Variants in MAGED1 observed in about 807,000 individuals in gnomAD.
MAGED1 encodes the protein MAGE family member D1.
MAGED1 carries 3 observed loss-of-function variants against 54.1 expected under a neutral mutation model. The ratio of observed to expected loss-of-function variants is 0.06; its 90% CI spans 0.03 to 0.14. The LOEUF is 0.14. MAGED1 is among the 10% of genes least tolerant of loss of function. MAGED1 has a pLI of 1.00. For synonymous variants in MAGED1, 217 were observed against 227.3 expected, an observed-to-expected ratio of 0.95 and a Z score of 0.41; for missense variants, 485 against 623.4, an observed-to-expected ratio of 0.78 and a Z score of 2.36.
chrX:51,883,827 CTG>C (rs199731195), intron 1 of MAGED1, among the ~76,000 whole-genome samples: 1,372 of 111,549 alleles, frequency 0.012, 23 homozygotes, highest in African/African-American at 0.043. Context: ...AATTTTAAAA[CTG>C]AAAATTTTAA....
chrX:51,894,504 G>A, intron 2 of MAGED1, 155 bp downstream of exon 2: 4 of 801,774 alleles, frequency 5.0e-6, no homozygotes, highest in Non-Finnish European at 7.4e-6. Context: ...ATCGAAGGGG[G>A]GGAGGGGCGT....
chrX:51,880,812 A>C (rs185273609), intron 1 of MAGED1, among the ~76,000 whole-genome samples: 59 of 110,977 alleles, frequency 5.3e-4, no homozygotes, highest in Middle Eastern at 9.4e-3. Context: ...GTGTGATTCT[A>C]CTTCATTTCT....
intron 1 of MAGED1, among the ~76,000 whole-genome samples, chrX:51,853,078 C>T (rs1473712435): frequency 9.0e-6 from 1 of 111,095 alleles, no homozygotes; most frequent in East Asian, 2.8e-4. Flanking sequence ...ATAATTTCGT[C>T]TTACCTGTCT....
chrX:51,818,299 C>A (rs1925504138), intron 1 of MAGED1, among the ~76,000 whole-genome samples: 1 of 111,828 alleles, frequency 8.9e-6, no homozygotes, highest in African/African-American at 3.3e-5. Context: ...CCATATCCAG[C>A]TGCCTATTGT....
intron 1 of MAGED1, among the ~76,000 whole-genome samples, chrX:51,822,761 T>C (rs1246633885): frequency 1.8e-5 from 2 of 111,376 alleles, no homozygotes; most frequent in Non-Finnish European, 1.9e-5. Flanking sequence ...TGTGTTTATA[T>C]TCATAAGGGA....
chrX:51,860,664 G>T (rs1927246189), intron 1 of MAGED1, among the ~76,000 whole-genome samples: 1 of 110,973 alleles, frequency 9.0e-6, no homozygotes, highest in African/African-American at 3.3e-5. Flanking sequence ...AAATCAGATA[G>T]AAATTTGGTA....
upstream of MAGED1, among the ~76,000 whole-genome samples, chrX:51,891,901 G>A (rs1168338041): frequency 1.8e-5 from 2 of 112,162 alleles, no homozygotes; most frequent in African/African-American, 6.5e-5. Flanking sequence ...GTCTGATCAC[G>A]TCTCACTGCA....
intron 1 of MAGED1, among the ~76,000 whole-genome samples, chrX:51,886,286 G>A (rs782418597): frequency 1.8e-5 from 2 of 110,627 alleles, no homozygotes; most frequent in Admixed American, 1.9e-4. Context: ...GATTTGGAAC[G>A]TTCCCAATAC....
At position 51,827,278 on chromosome X, in the gene MAGED1, A is replaced by AAAAG. The variant is rs1557357029; in HGVS notation, c.-37+24169_-37+24172dup. 9.9e-5 allele frequency among the ~76,000 whole-genome samples: 11 copies of AAAAG among 111,090 alleles called. No homozygotes were observed. In the South Asian group the frequency reaches 4.2e-3, roughly 42 times the overall value. On this transcript the variant is annotated intron_variant, in intron 1 of 12. Coordinates refer to the MAGED1 transcript ENST00000375772. Reference sequence around the variant, plus strand: ...CTGTCTCAAAAAAACAAAGAAAAAAAAAAGAAAGAAAAGGCTACATACTGT... The same window carrying AAAAG: ...CTGTCTCAAAAAAACAAAGAAAAAAAAAAGAAAGAAAGAAAAGGCTACATACTGT...
At chrX:51,869,799 G>A (rs1927595474) in intron 1 of MAGED1, among the ~76,000 whole-genome samples, 1 of 111,368 alleles carries the variant, frequency 9.0e-6, no homozygotes, top group Admixed American at 9.5e-5. Context: ...GAACCCAGGA[G>A]GCGGAGATTG....
In MAGED1 at chrX:51,896,821, C is replaced by T; in HGVS notation, c.1166C>T (p.Pro389Leu). The change falls in exon 4 of 13, where the codon CCA becomes CTA. Residue 389 changes from proline to leucine, a missense_variant. By Grantham distance (98) the Pro-to-Leu change is moderately conservative (BLOSUM62 -3). Transcript: ENST00000326587. ...CAGACTCCACCTGGATGGCAGACCC[C>T]ACCGGGCTGGCAGGGTCCTCCAGAC... The part of the protein sequence containing the change: ...GWQTPPGWQT[P>L]PGWQGPPDWQ... The T allele has an allele frequency of 8.3e-7, 1 of 1,205,828 alleles. No homozygotes were observed. Among genetic ancestry groups the T allele is most frequent in the Non-Finnish European group, 1.1e-6 (1 of 892,222 alleles).
At chrX:51,812,891 A>C (rs191654716) in intron 1 of MAGED1, among the ~76,000 whole-genome samples, 151 of 108,060 alleles carry the variant, frequency 1.4e-3, no homozygotes, top group Non-Finnish European at 1.4e-3. Context: ...TAAGGTTCCA[A>C]TTTCTCCACA....
chrX:51,840,561 T>C (rs1318362557), intron 1 of MAGED1, among the ~76,000 whole-genome samples: 2 of 109,803 alleles, frequency 1.8e-5, no homozygotes, highest in African/African-American at 6.6e-5. Context: ...ATTAGGTATA[T>C]CTCCTAATGC....
At chrX:51,874,808 C>T (rs1209347048) in intron 1 of MAGED1, among the ~76,000 whole-genome samples, 3 of 109,970 alleles carry the variant, frequency 2.7e-5, no homozygotes, top group East Asian at 5.8e-4. Context: ...TCCTATTTTT[C>T]TGCTTCTTGG....
chrX:51,837,955 A>G (rs781808222), intron 1 of MAGED1, among the ~76,000 whole-genome samples: 1 of 112,759 alleles, frequency 8.9e-6, no homozygotes, highest in African/African-American at 3.2e-5. Flanking sequence ...TCAATTATTT[A>G]TGCCAGCCAA....
intron 11 of MAGED1, 146 bp downstream of exon 11, chrX:51,900,442 C>T (rs1928963668): frequency 4.7e-6 from 2 of 425,818 alleles, no homozygotes; most frequent in South Asian, 7.5e-5. Context: ...GTTAGGTAAA[C>T]TTAACATGTA....
intron 1 of MAGED1, among the ~76,000 whole-genome samples, chrX:51,841,868 G>A (rs781807553): frequency 2.5e-3 from 283 of 111,880 alleles, no homozygotes; most frequent in African/African-American, 8.9e-3. Flanking sequence ...GTCAGGTAGC[G>A]TGATGCCTCC....
chrX:51,828,973 C>T (rs1048001568), intron 1 of MAGED1, among the ~76,000 whole-genome samples: 11 of 110,509 alleles, frequency 1.0e-4, no homozygotes, highest in Non-Finnish European at 1.5e-4. Context: ...TTGCATTTCA[C>T]GTTATCAGTA....
chrX:51,874,740 A>G (rs1434101201), intron 1 of MAGED1, among the ~76,000 whole-genome samples: 1 of 110,696 alleles, frequency 9.0e-6, no homozygotes, highest in African/African-American at 3.3e-5. Context: ...TATAACATCT[A>G]TTAAATATTT....
Sources: gnomAD v4.1 joint callset for allele counts (sites outside exome capture counted in the v4.1 genomes callset) on GRCh38, gnomAD v4.1.1 for gene constraint, MANE v1.5 for transcripts, NCBI Gene and HGNC (gene_info 2026-07-23, HGNC 2026-07-21) for gene names.